The following SLIT3 variants were observed in gnomAD, a reference collection of about 807,000 sequenced individuals.
SLIT3 encodes the protein slit homolog 3 protein.
Under a neutral mutation model 184.0 loss-of-function variants are expected in SLIT3, and 68 were observed. The observed-to-expected ratio is 0.37, with a 90% CI of 0.30 to 0.45. The LOEUF (loss-of-function observed/expected upper bound fraction) is 0.45. Among genes scored for constraint, SLIT3 ranks in the 20% least tolerant of loss-of-function variants. The pLI, the probability that SLIT3 is intolerant of heterozygous loss-of-function variation, is 1.00. For missense variants in SLIT3, 1,707 were observed against 2,026.0 expected, an observed-to-expected ratio of 0.84 and a Z score of 3.02; for synonymous variants, 831 against 828.6, an observed-to-expected ratio of 1.00 and a Z score of -0.05.
chr5:168,683,231 T>C (rs934435647), intron 32 of SLIT3, among the ~76,000 whole-genome samples: 2 of 151,860 alleles, frequency 1.3e-5, no homozygotes, highest in African/African-American at 2.4e-5. Flanking sequence ...CCAGGCATGG[T>C]GGCATGAACC....
At chr5:169,028,224 T>C (rs1340730310) in intron 4 of SLIT3, among the ~76,000 whole-genome samples, 1 of 148,430 alleles carries the variant, frequency 6.7e-6, no homozygotes, top group Non-Finnish European at 1.5e-5. Context: ...TTTCTCCAAA[T>C]GTTTGGTTAT....
chr5:168,938,420 G>A (rs1762226922), intron 4 of SLIT3, among the ~76,000 whole-genome samples: 1 of 152,200 alleles, frequency 6.6e-6, no homozygotes, highest in African/African-American at 2.4e-5. Flanking sequence ...AAAGTGCCTA[G>A]CATATTGCCT....
chr5:168,669,675 G>A, intron 35 of SLIT3, 108 bp downstream of exon 35: 1 of 857,434 alleles, frequency 1.2e-6, no homozygotes. Flanking sequence ...CTGAACCAAG[G>A]TCATGCAGCC....
chr5:168,697,868 T>C (rs79646047), intron 27 of SLIT3, among the ~76,000 whole-genome samples: 1,936 of 152,290 alleles, frequency 0.013, 39 homozygotes, highest in African/African-American at 0.045. Context: ...TGCCCATTTG[T>C]TTTTCTAAAG....
At chr5:168,730,853 A>G (rs1581014592) in intron 20 of SLIT3, among the ~76,000 whole-genome samples, 1 of 152,190 alleles carries the variant, frequency 6.6e-6, no homozygotes, top group South Asian at 2.1e-4. Flanking sequence ...CAAAGTTAGC[A>G]GAAGAAGAGA....
intron 4 of SLIT3, among the ~76,000 whole-genome samples, chr5:169,050,168 G>A (rs1256602969): frequency 6.6e-6 from 1 of 152,148 alleles, no homozygotes; most frequent in Non-Finnish European, 1.5e-5. Flanking sequence ...TGATGTTAAG[G>A]AGTCTCTTAC....
chr5:168,828,264 C>T (rs1757764968), intron 6 of SLIT3, among the ~76,000 whole-genome samples: 1 of 152,078 alleles, frequency 6.6e-6, no homozygotes. Flanking sequence ...AGGGGAAGGC[C>T]CTGCTCAAGA....
chr5:169,283,117 T>C (rs1767042670), intron 1 of SLIT3, among the ~76,000 whole-genome samples: 2 of 152,224 alleles, frequency 1.3e-5, no homozygotes, highest in Non-Finnish European at 2.9e-5. Context: ...ATGGTAAAAC[T>C]GTGATTCAAA....
At chr5:169,284,856 A>G (rs1767103708) in intron 1 of SLIT3, among the ~76,000 whole-genome samples, 1 of 152,116 alleles carries the variant, frequency 6.6e-6, no homozygotes, top group Non-Finnish European at 1.5e-5. Context: ...TATTGTCTTT[A>G]TGTCTTTTTT....
chr5:168,931,022 C>A (rs1437328444), intron 4 of SLIT3, among the ~76,000 whole-genome samples: 1 of 152,168 alleles, frequency 6.6e-6, no homozygotes, highest in East Asian at 1.9e-4. Flanking sequence ...CCTTCGTCTC[C>A]CCCTCTCCTG....
intron 4 of SLIT3, among the ~76,000 whole-genome samples, chr5:168,927,749 A>T (rs1189998065): frequency 6.6e-6 from 1 of 152,236 alleles, no homozygotes; most frequent in Admixed American, 6.5e-5. Flanking sequence ...CAAAACTCAC[A>T]ATTACATCAC....
intron 12 of SLIT3, among the ~76,000 whole-genome samples, chr5:168,777,574 A>C (rs558456763): frequency 2.0e-5 from 3 of 152,164 alleles, no homozygotes; most frequent in Non-Finnish European, 2.9e-5. Flanking sequence ...TCAAATATGT[A>C]AGGCATCAAA....
chr5:168,867,393 G>C (rs77746126), intron 5 of SLIT3, among the ~76,000 whole-genome samples: 4,299 of 152,322 alleles, frequency 0.028, 91 homozygotes, highest in Middle Eastern at 0.048. Flanking sequence ...ACATAGATGT[G>C]CATGTATTGA....
At chr5:169,040,130 C>T (rs531860351) in intron 4 of SLIT3, among the ~76,000 whole-genome samples, 6 of 152,282 alleles carry the variant, frequency 3.9e-5, no homozygotes, top group South Asian at 2.1e-4. Context: ...TAATTCCTAT[C>T]GACCACATCC....
intron 4 of SLIT3, among the ~76,000 whole-genome samples, chr5:168,937,739 C>T (rs1431199073): frequency 2.0e-5 from 3 of 152,164 alleles, no homozygotes; most frequent in Non-Finnish European, 4.4e-5. Context: ...GCTCTTCATG[C>T]ACCTCAGTTT....
intron 5 of SLIT3, among the ~76,000 whole-genome samples, chr5:168,867,080 G>A (rs999632630): frequency 6.6e-6 from 1 of 152,142 alleles, no homozygotes; most frequent in African/African-American, 2.4e-5. Flanking sequence ...AGATTCCTGG[G>A]CCTTGACCAG....
intron 4 of SLIT3, among the ~76,000 whole-genome samples, chr5:169,075,361 A>C (rs1029470041): frequency 1.3e-5 from 2 of 152,218 alleles, no homozygotes; most frequent in African/African-American, 4.8e-5. Context: ...GTAGGGAAAT[A>C]AAGTGTCTGC....
chr5:169,147,163 A>T (rs1230978146), intron 4 of SLIT3, among the ~76,000 whole-genome samples: 4 of 152,254 alleles, frequency 2.6e-5, no homozygotes, highest in Non-Finnish European at 5.9e-5. Context: ...ATCTTTGGGT[A>T]GATACACCTT....
chr5:169,259,511 C>A (rs1326245571), intron 1 of SLIT3, among the ~76,000 whole-genome samples: 1 of 152,184 alleles, frequency 6.6e-6, no homozygotes, highest in Non-Finnish European at 1.5e-5. Context: ...AGGGAGCACA[C>A]CATTGCTCAG....
Sources: gnomAD v4.1 joint callset for allele counts (sites outside exome capture counted in the v4.1 genomes callset) on GRCh38, gnomAD v4.1.1 for gene constraint, MANE v1.5 for transcripts, NCBI Gene and HGNC (gene_info 2026-07-23, HGNC 2026-07-21) for gene names.